The following TOMM20L variants were observed in gnomAD, a reference collection of about 807,000 sequenced individuals.
TOMM20L encodes the protein TOMM20-like protein 1.
TOMM20L carries 19 observed loss-of-function variants against 20.4 expected under a neutral mutation model. That is an observed-to-expected ratio of 0.93 (90% CI 0.65 to 1.36). TOMM20L has a LOEUF of 1.36. Ranked by LOEUF, TOMM20L falls within the 40% of genes most tolerant of loss-of-function variation. TOMM20L has a pLI of 0.00. For missense variants in TOMM20L, 218 were observed against 203.7 expected, an observed-to-expected ratio of 1.07 and a Z score of -0.43; for synonymous variants, 75 against 79.6, an observed-to-expected ratio of 0.94 and a Z score of 0.30.
chr14:58,407,618 C>G, intron 4 of TOMM20L, 150 bp downstream of exon 4: 2 of 714,484 alleles, frequency 2.8e-6, no homozygotes, highest in South Asian at 4.6e-5. Flanking sequence ...TAACACGAAG[C>G]AAGCCTATTC....
intron 2 of TOMM20L, among the ~76,000 whole-genome samples, chr14:58,400,653 G>C (rs1373178562): frequency 3.3e-5 from 5 of 152,048 alleles, no homozygotes; most frequent in African/African-American, 1.2e-4. Context: ...GCCGAGGTGG[G>C]TGGATCACGA....
Position 58,395,966 on chromosome 14 carries a change from C to T in TOMM20L, c.9C>T (p.Ser3=), listed in dbSNP as rs377328136. The T allele has an allele frequency of 3.3e-5, 48 of 1,441,710 alleles. No homozygotes were observed. In the African/African-American group the frequency reaches 5.7e-4, roughly 17 times the overall value. The allele number at this position is 1,441,710 out of a possible 1,614,324, so 89.3% of individuals were successfully genotyped here. A position where few individuals can be genotyped will look rare whatever the true frequency, so the allele number is the denominator to read the frequency against. The change falls in exon 1 of 5, where the codon TCC becomes TCT. Residue 3 remains serine (S), a synonymous_variant. Transcript: ENST00000360945. MP[S]VRSLLRLLAA... ...GGGACGCCCGCGGTCGGATGCCCTC[C>T]GTCCGCTCCCTCCTCCGCCTCTTGG...
At chr14:58,407,512 T>C in intron 4 of TOMM20L, 44 bp downstream of exon 4, 2 of 1,560,958 alleles carry the variant, frequency 1.3e-6, no homozygotes, top group African/African-American at 1.4e-5. Context: ...ACACAGTAAA[T>C]AGCTATGTTA....
downstream of TOMM20L, chr14:58,411,800 G>A (rs535282588): frequency 2.3e-3 from 2,371 of 1,023,772 alleles, 3 homozygotes; most frequent in Non-Finnish European, 3.1e-3. Flanking sequence ...GCCTCCCAAC[G>A]TGCTGGGATT....
rs1167847335 is a variant in TOMM20L, at chr14:58,400,436, GA to G, written c.181-2231del. ...GACTCTGTCTCCAAAAAAAAAAAAA[GA>G]AAAAAAAAAAAACAGTCTCAGCTTG... On this transcript the variant is annotated intron_variant, in intron 2 of 4. Coordinates refer to ENST00000360945, the MANE Select transcript of TOMM20L (RefSeq NM_207377.3). 2.9e-3 allele frequency among the ~76,000 whole-genome samples: 361 copies of G among 122,556 alleles called. 1 individual carries two copies. Among genetic ancestry groups the G allele is most frequent in the African/African-American group, 8.5e-3 (282 of 33,064 alleles). The allele number at this position is 122,556 out of a possible 152,430, so 80.4% of individuals were successfully genotyped here. A position where few individuals can be genotyped will look rare whatever the true frequency, so the allele number is the denominator to read the frequency against.
At chr14:58,400,687 G>A (rs1400007758) in intron 2 of TOMM20L, among the ~76,000 whole-genome samples, 1 of 151,908 alleles carries the variant, frequency 6.6e-6, no homozygotes, top group Non-Finnish European at 1.5e-5. Flanking sequence ...AGAGCAGCCT[G>A]ACCAACATGG....
intron 4 of TOMM20L, 86 bp downstream of exon 4, chr14:58,407,554 G>A (rs1787370857): frequency 2.1e-6 from 3 of 1,413,548 alleles, no homozygotes; most frequent in Non-Finnish European, 2.8e-6. Flanking sequence ...CAAAGTATGT[G>A]TGTGAATTGC....
At chr14:58,401,256 A>G (rs375034369) in intron 2 of TOMM20L, among the ~76,000 whole-genome samples, 1 of 152,296 alleles carries the variant, frequency 6.6e-6, no homozygotes, top group Admixed American at 6.5e-5. Context: ...GATTATTAGT[A>G]TATTTGATAA....
chr14:58,407,064 C>T (rs575751296), intron 3 of TOMM20L, among the ~76,000 whole-genome samples: 41 of 152,246 alleles, frequency 2.7e-4, no homozygotes, highest in African/African-American at 8.7e-4. Context: ...TTATAGAACA[C>T]GAGCATTTCC....
At chr14:58,411,539 T>C (rs1226000393), downstream of TOMM20L, among the ~76,000 whole-genome samples, 1 of 151,714 alleles carries the variant, frequency 6.6e-6, no homozygotes, top group East Asian at 1.9e-4. Context: ...GTGAAACCAC[T>C]GACATGGTTT....
Position 58,408,034 on chromosome 14 carries a change from A to G in TOMM20L, c.406-495A>G, listed in dbSNP as rs180752208. Reference sequence around the variant, plus strand: ...GTCAGCTTTTGAACAAAACACAAACATGAACTCCATTACAGTATAACAGTC... The same window carrying G: ...GTCAGCTTTTGAACAAAACACAAACGTGAACTCCATTACAGTATAACAGTC... On this transcript the variant is annotated intron_variant, in intron 4 of 4. Coordinates refer to ENST00000360945, the MANE Select transcript of TOMM20L (RefSeq NM_207377.3). Among the ~76,000 whole-genome samples, 10 of 152,336 alleles carry G rather than the reference A, an allele frequency of 6.6e-5. 1 individual carries two copies. Among genetic ancestry groups the G allele is most frequent in the South Asian group, 6.2e-4 (3 of 4,828 alleles).
At chr14:58,402,879 A>G (rs2036009331) in intron 3 of TOMM20L, 118 bp downstream of exon 3, 2 of 722,036 alleles carry the variant, frequency 2.8e-6, no homozygotes, top group Non-Finnish European at 4.8e-6. Context: ...CCCTCATTAA[A>G]GAAAAACTAT....
chr14:58,395,977 T>C lies in TOMM20L; in HGVS notation c.20T>C (p.Leu7Pro). The C allele has an allele frequency of 1.4e-6, 2 of 1,449,774 alleles. No individual in the cohort carries two copies. The highest frequency in any genetic ancestry group is 1.8e-6 in the Non-Finnish European group (2 of 1,093,966). 89.8% of individuals were successfully genotyped at this position (1,449,774 alleles called of 1,614,324 possible). The change falls in exon 1 of 5, where the codon CTC becomes CCC. Residue 7 changes from leucine (L) to proline (P), a missense_variant. Physicochemically the swap from Leu to Pro is moderately conservative, Grantham distance 98 (BLOSUM62 -3). Coordinates refer to ENST00000360945, the MANE Select transcript of TOMM20L (RefSeq NM_207377.3). ...GGTCGGATGCCCTCCGTCCGCTCCC[T>C]CCTCCGCCTCTTGGCCGCCGCGGCG... Reference protein sequence around the residue: MPSVRSLLRLLAAAAAC... With the variant: MPSVRSPLRLLAAAAAC...
At chr14:58,408,782 C>G (rs1205356959), downstream of TOMM20L, 2 of 683,776 alleles carry the variant, frequency 2.9e-6, no homozygotes, top group Non-Finnish European at 4.7e-6. Flanking sequence ...ATCAAGTGAC[C>G]AAGCTGCTGA....
intron 3 of TOMM20L, among the ~76,000 whole-genome samples, chr14:58,404,099 G>GTGTGTATGTATATATATATATATA (rs1408980666): frequency 4.4e-5 from 1 of 22,928 alleles, no homozygotes; most frequent in Non-Finnish European, 8.3e-5. Context: ...ACATATATAT[G>GTGTGTATGTATATATATATATATA]TATATATATA....
chr14:58,413,134 C>G (rs1412988594), downstream of TOMM20L, among the ~76,000 whole-genome samples: 2 of 151,972 alleles, frequency 1.3e-5, no homozygotes, highest in Admixed American at 1.3e-4. Context: ...GGTAGTAAGT[C>G]TTTGATTTTG....
downstream of TOMM20L, chr14:58,411,860 C>T (rs2140315388): frequency 1.3e-6 from 2 of 1,576,536 alleles, no homozygotes; most frequent in Non-Finnish European, 1.7e-6. Context: ...TTAGTAGCAC[C>T]TTACATTTTT....
intron 2 of TOMM20L, among the ~76,000 whole-genome samples, chr14:58,397,455 G>A (rs1393611399): frequency 6.6e-6 from 1 of 152,214 alleles, no homozygotes; most frequent in Non-Finnish European, 1.5e-5. Context: ...GAAAGCACTT[G>A]TGTGACCGGG....
intron 2 of TOMM20L, among the ~76,000 whole-genome samples, chr14:58,400,385 G>A (rs982949612): frequency 4.2e-5 from 6 of 143,206 alleles, no homozygotes; most frequent in Non-Finnish European, 6.0e-5. Context: ...TCACACCACT[G>A]CACTCCAGCC....
Sources: allele counts gnomAD v4.1 joint callset (sites outside exome capture counted in the v4.1 genomes callset), GRCh38; gene constraint gnomAD v4.1.1; transcripts MANE v1.5; gene names NCBI Gene and HGNC (gene_info 2026-07-23, HGNC 2026-07-21).